BMF: variants seen among roughly 807,000 people sequenced by gnomAD.
BMF encodes bcl-2-modifying factor.
In BMF, 10 loss-of-function variants were observed where a neutral mutation model predicts 22.0. That is an observed-to-expected ratio of 0.45 (90% CI 0.28 to 0.77). BMF has a LOEUF of 0.77. Ranked by LOEUF, BMF falls within the 30% of genes least tolerant of loss-of-function variation. The pLI is 0.13. For missense variants in BMF, 206 were observed against 226.8 expected, an observed-to-expected ratio of 0.91 and a Z score of 0.59; for synonymous variants, 87 against 88.1, an observed-to-expected ratio of 0.99 and a Z score of 0.07.
At chr15:40,104,424 A>C in intron 3 of BMF, 84 bp from the exon 4 acceptor site, 1 of 1,539,476 alleles carries the variant, frequency 6.5e-7, no homozygotes, top group East Asian at 2.3e-5. Context: ...CCAAGATTGG[A>C]GGCTGAGGGT....
At chr15:40,102,855 T>C (rs1431277327) in intron 4 of BMF, among the ~76,000 whole-genome samples, 1 of 152,152 alleles carries the variant, frequency 6.6e-6, no homozygotes, top group Non-Finnish European at 1.5e-5. Context: ...CGAAGCCAAG[T>C]TTCCACCAAA....
At position 40,106,517 on chromosome 15, in the gene BMF, A is replaced by AACACACACACACACAC. The variant is rs71658279; in HGVS notation, c.-5-442_-5-427dup. The AACACACACACACACAC allele has an allele frequency of 0.14, 19,034 of 135,626 alleles. 1,732 individuals are homozygous for AACACACACACACACAC. Among genetic ancestry groups the AACACACACACACACAC allele is most frequent in the East Asian group, 0.22 (822 of 3,822 alleles). 8.4% of individuals were successfully genotyped at this position (135,626 alleles called of 1,614,324 possible). A position where few individuals can be genotyped will look rare whatever the true frequency, so the allele number is the denominator to read the frequency against. ...GACTGGCTATACATACAGTGCTCAC[A>AACACACACACACACAC]ACACACACACACACACACACACACA... is the stretch of plus-strand genomic sequence containing the variant. On this transcript the variant is annotated intron_variant, in intron 2 of 4. Coordinates refer to ENST00000354670, the MANE Select transcript of BMF (RefSeq NM_001003940.2). The surrounding 1 kb of genome is among the most constrained non-coding windows in gnomAD (Gnocchi z 4.1).
In BMF at chr15:40,106,230, G is replaced by T; in HGVS notation, c.-5-139C>A. 1 of 957,986 alleles carries T rather than the reference G, an allele frequency of 1.0e-6. No individual in the cohort carries two copies. The highest frequency in any genetic ancestry group is 1.5e-6 in the Non-Finnish European group (1 of 668,922). 59.3% of individuals were successfully genotyped at this position (957,986 alleles called of 1,614,324 possible). ...CCACATACTGATGACATACAACCCT[G>T]GTAATAAAGCACTGCTAAGGGTGAC... On this transcript the variant is annotated intron_variant, in intron 2 of 4. Transcript: ENST00000354670. This position sits in a 1 kb window ranked among gnomAD's most constrained non-coding sequence, Gnocchi z 4.1.
In BMF at chr15:40,108,248, A is replaced by ACACACACC. The variant is rs1172494971; in HGVS notation, c.-6+10_-6+11insGGTGTGTG. On this transcript the variant is annotated intron_variant, in intron 2 of 4. Transcript: ENST00000354670. ...CACACACACACACACACACACACAC[A>ACACACACC]CACCCCAGACCTGGGTGACTCCAGG... The ACACACACC allele has an allele frequency of 1.3e-5, 2 of 153,574 alleles. No individual in the cohort carries two copies. The highest frequency in any genetic ancestry group is 1.9e-4 in the East Asian group (1 of 5,224). 9.5% of individuals were successfully genotyped at this position (153,574 alleles called of 1,614,324 possible).
chr15:40,103,470 C>T (rs565729569), intron 4 of BMF, among the ~76,000 whole-genome samples: 1 of 152,244 alleles, frequency 6.6e-6, no homozygotes, highest in South Asian at 2.1e-4. Flanking sequence ...GAGGGCTCCT[C>T]CAGCACGAGC....
At chr15:40,105,753 C>T (rs774508393) in intron 3 of BMF, 42 bp downstream of exon 3, 3 of 1,534,428 alleles carry the variant, frequency 2.0e-6, no homozygotes, top group African/African-American at 1.4e-5. Context: ...CCTCTTTTCC[C>T]CCAGTCTCTA....
rs541639578 is a variant in BMF, at chr15:40,096,883, T to C, written c.454-4995A>G. ...CAAACAGAAATAAAGCTAAAACTGG[T>C]CTGAAATTATAACTTCAGACTGTGA... On this transcript the variant is annotated intron_variant, in intron 4 of 4. Coordinates refer to ENST00000354670, the MANE Select transcript of BMF (RefSeq NM_001003940.2). Among the ~76,000 whole-genome samples, 16 of 152,098 alleles carry C rather than the reference T, an allele frequency of 1.1e-4. No homozygotes were observed. The East Asian group carries it at 2.9e-3, about 28-fold the overall frequency.
intron 4 of BMF, among the ~76,000 whole-genome samples, chr15:40,092,239 C>T (rs1263140059): frequency 6.6e-6 from 1 of 152,188 alleles, no homozygotes; most frequent in African/African-American, 2.4e-5. Context: ...CAAACCTCAG[C>T]TGCATGAACA....
rs149700626 is a variant in BMF at position 40,105,871 on chromosome 15, A to G, written c.216T>C (p.Thr72=). ...PTSQEDKATQ[T]LSPASPSQGV... is the part of the protein sequence containing the mutation. Reference sequence around the variant, plus strand: ...CTTGGCTGGGGGAGGCTGGGCTGAGAGTCTGGGTAGCTTTGTCTTCCTGGC... The same window carrying G: ...CTTGGCTGGGGGAGGCTGGGCTGAGGGTCTGGGTAGCTTTGTCTTCCTGGC... Residue 72 remains threonine (T), a synonymous_variant, in exon 3 of 5, where the codon ACT becomes ACC. Coordinates refer to ENST00000354670, the MANE Select transcript of BMF (RefSeq NM_001003940.2). 7.6e-5 allele frequency: 123 copies of G among 1,613,908 alleles called. No individual in the cohort carries two copies. In the African/African-American group the frequency reaches 1.2e-3, roughly 16 times the overall value.
chr15:40,094,378 T>C (rs997326153), intron 4 of BMF, among the ~76,000 whole-genome samples: 1 of 152,086 alleles, frequency 6.6e-6, no homozygotes, highest in African/African-American at 2.4e-5. Flanking sequence ...GGAGGCAGGA[T>C]ACATGGGCCG....
rs981425031 is a variant in BMF, at chr15:40,090,122, G to A, written c.*1665C>T. On this transcript the variant is annotated 3_prime_UTR_variant, in exon 5 of 5. Transcript: ENST00000354670. ...TCTTGGGAGAAGTAGCCCCACACCA[G>A]GGCACGCACACAGCTTAGTGAGCAG... 6.6e-6 allele frequency: 1 copy of A among 152,414 alleles called. No individual in the cohort carries two copies. The highest frequency in any genetic ancestry group is 2.4e-5 in the African/African-American group (1 of 41,456). 9.4% of individuals were successfully genotyped at this position (152,414 alleles called of 1,614,324 possible).
intron 4 of BMF, among the ~76,000 whole-genome samples, chr15:40,096,557 G>C (rs2036366372): frequency 6.6e-6 from 1 of 152,206 alleles, no homozygotes; most frequent in African/African-American, 2.4e-5. Context: ...AGGAAGAGCA[G>C]GTATTAATCA....
intron 4 of BMF, among the ~76,000 whole-genome samples, chr15:40,094,822 T>G (rs2036321418): frequency 2.0e-5 from 3 of 152,230 alleles, no homozygotes; most frequent in African/African-American, 4.8e-5. Flanking sequence ...TACAAGACAT[T>G]ACAGAGGAGG....
Position 40,091,744 on chromosome 15 carries a change from A to G in BMF, c.*43T>C. ...TCCTGCCCGATGTCCTTCCTGTTCCAGACGGTGTTCCTGGTGCCCCATGTG... is the reference window on the plus strand; with the variant it reads ...TCCTGCCCGATGTCCTTCCTGTTCCGGACGGTGTTCCTGGTGCCCCATGTG... On this transcript the variant is annotated 3_prime_UTR_variant, in exon 5 of 5. Coordinates refer to ENST00000354670, the MANE Select transcript of BMF (RefSeq NM_001003940.2). The G allele has an allele frequency of 7.1e-7, 1 of 1,414,182 alleles. No individual in the cohort carries two copies. The highest frequency in any genetic ancestry group is 2.4e-4 in the Middle Eastern group (1 of 4,150). The allele number at this position is 1,414,182 out of a possible 1,614,324, so 87.6% of individuals were successfully genotyped here.
intron 4 of BMF, among the ~76,000 whole-genome samples, chr15:40,092,857 C>T (rs1217811006): frequency 6.6e-6 from 1 of 151,912 alleles, no homozygotes; most frequent in Non-Finnish European, 1.5e-5. Flanking sequence ...GGCAGGAGGA[C>T]TGGGCGGGGG....
intron 1 of BMF, 87 bp from the exon 2 acceptor site, chr15:40,108,473 G>C (rs1000091989): frequency 2.0e-5 from 3 of 152,810 alleles, no homozygotes; most frequent in Non-Finnish European, 4.4e-5. Flanking sequence ...CCCAGAGGCT[G>C]GGCCGTTCTC....
chr15:40,098,896 G>T (rs1213320572), intron 4 of BMF, among the ~76,000 whole-genome samples: 1 of 152,150 alleles, frequency 6.6e-6, no homozygotes, highest in Non-Finnish European at 1.5e-5. Context: ...TCAGCCTCTA[G>T]TCTGCCACGC....
intron 4 of BMF, among the ~76,000 whole-genome samples, chr15:40,097,849 C>T (rs921536152): frequency 2.6e-5 from 4 of 152,196 alleles, no homozygotes; most frequent in African/African-American, 9.7e-5. Context: ...ACCATCTTCC[C>T]GGCAGACTCA....
intron 4 of BMF, among the ~76,000 whole-genome samples, chr15:40,094,388 G>A (rs1247318361): frequency 6.6e-6 from 1 of 152,124 alleles, no homozygotes; most frequent in Admixed American, 6.5e-5. Flanking sequence ...TACATGGGCC[G>A]GCCCTTGGGA....
Sources: allele counts gnomAD v4.1 joint callset (sites outside exome capture counted in the v4.1 genomes callset), GRCh38; gene constraint gnomAD v4.1.1; non-coding constraint Gnocchi (gnomAD v3.1); transcripts MANE v1.5; gene names NCBI Gene and HGNC (gene_info 2026-07-23, HGNC 2026-07-21).